The following TENM3 variants were observed in gnomAD, a reference collection of about 807,000 sequenced individuals.
TENM3 encodes the protein teneurin-3.
A neutral mutation model predicts 255.1 loss-of-function variants in TENM3; 63 were observed. That is an observed-to-expected ratio of 0.25 (90% CI 0.20 to 0.30). The LOEUF (loss-of-function observed/expected upper bound fraction) is 0.30, where lower values mean the gene tolerates loss of function less well. Among genes scored for constraint, TENM3 ranks in the 10% least tolerant of loss-of-function variants. The pLI, the probability that TENM3 is intolerant of heterozygous loss-of-function variation, is 1.00. For missense variants in TENM3, 2,929 were observed against 3,461.1 expected (o/e 0.85, Z 3.86); for synonymous variants, 1,306 against 1,322.3 (o/e 0.99, Z 0.27).
the TENM3 span, among the ~76,000 whole-genome samples, chr4:181,898,072 C>A: frequency 6.6e-6 from 1 of 152,192 alleles, no homozygotes; most frequent in African/African-American, 2.4e-5. Context: ...GAAATTCTTT[C>A]TTCCTCTGCT....
the TENM3 span, among the ~76,000 whole-genome samples, chr4:182,021,622 T>C: frequency 6.6e-6 from 1 of 152,228 alleles, no homozygotes; most frequent in Non-Finnish European, 1.5e-5. Flanking sequence ...TTAAAGGTCC[T>C]CTAGACTTCT....
At chr4:182,778,904 GTGTGTGTGTA>G (rs1208312989) in intron 24 of TENM3, among the ~76,000 whole-genome samples, 1 of 149,410 alleles carries the variant, frequency 6.7e-6, no homozygotes, top group Non-Finnish European at 1.5e-5. Flanking sequence ...TTATTTAAGT[GTGTGTGTGTA>G]TGTGTGTGTG....
chr4:181,504,569 T>A, the TENM3 span, among the ~76,000 whole-genome samples: 1 of 152,208 alleles, frequency 6.6e-6, no homozygotes, highest in Non-Finnish European at 1.5e-5. Flanking sequence ...CACTGCCACC[T>A]TCCCTTCTCA....
chr4:181,767,251 CAAAAAA>C, the TENM3 span, among the ~76,000 whole-genome samples: 1 of 75,728 alleles, frequency 1.3e-5, no homozygotes, highest in African/African-American at 4.9e-5. Context: ...GACTCCGTCT[CAAAAAA>C]AAAAAAAAAA....
the TENM3 span, among the ~76,000 whole-genome samples, chr4:181,546,065 A>G: frequency 6.6e-6 from 1 of 152,166 alleles, no homozygotes; most frequent in Non-Finnish European, 1.5e-5. Flanking sequence ...TCCCTATCTG[A>G]CATTTTCTCT....
At chr4:182,603,764 T>TA (rs2152417817) in intron 4 of TENM3, among the ~76,000 whole-genome samples, 1 of 115,516 alleles carries the variant, frequency 8.7e-6, no homozygotes, top group South Asian at 3.7e-4. Context: ...TTGGCAATTA[T>TA]TTATATATAT....
chr4:181,589,421 G>GTA, the TENM3 span, among the ~76,000 whole-genome samples: 1 of 152,114 alleles, frequency 6.6e-6, no homozygotes, highest in Non-Finnish European at 1.5e-5. Flanking sequence ...GGAGAACATT[G>GTA]AATGCTATGT....
chr4:181,802,011 C>A, the TENM3 span, among the ~76,000 whole-genome samples: 2 of 152,078 alleles, frequency 1.3e-5, no homozygotes, highest in Non-Finnish European at 2.9e-5. Context: ...AAAGAAGATT[C>A]AGTTCAGTTA....
At chr4:181,830,295 G>A in the TENM3 span, among the ~76,000 whole-genome samples, 11,128 of 152,134 alleles carry the variant, frequency 0.073, 567 homozygotes, top group East Asian at 0.18. Flanking sequence ...TTTGAGCAGA[G>A]TCTTGCTCTG....
intron 4 of TENM3, among the ~76,000 whole-genome samples, chr4:182,616,446 G>A (rs915315766): frequency 1.4e-5 from 2 of 146,638 alleles, no homozygotes; most frequent in Non-Finnish European, 3.0e-5. Flanking sequence ...TGGGTGCAGC[G>A]CACCAGCATG....
At chr4:181,909,759 A>T in the TENM3 span, among the ~76,000 whole-genome samples, 1 of 152,196 alleles carries the variant, frequency 6.6e-6, no homozygotes, top group Non-Finnish European at 1.5e-5. Context: ...ATAAAAGCTG[A>T]TTACATAAAT....
rs530446958 is a variant in TENM3 at position 182,221,214 on chromosome 4, G to A, written c.-76+76460G>A. ...TGCCTTTGTTACATGTGATAAACAA[G>A]CGATTTGCTCTTTAGAGGCCCCCTG... On this transcript the variant is annotated intron_variant, in intron 1 of 2. Coordinates refer to the TENM3 transcript ENST00000512480. 1.5e-4 allele frequency among the ~76,000 whole-genome samples: 23 copies of A among 152,334 alleles called. No homozygotes were observed. The South Asian group carries it at 4.8e-3, about 32-fold the overall frequency.
At chr4:182,733,721 A>G (rs1055854222) in intron 16 of TENM3, among the ~76,000 whole-genome samples, 1 of 152,254 alleles carries the variant, frequency 6.6e-6, no homozygotes, top group African/African-American at 2.4e-5. Context: ...GCAACACCTC[A>G]GGGATTCATT....
the TENM3 span, among the ~76,000 whole-genome samples, chr4:181,974,458 C>A: frequency 6.6e-6 from 1 of 152,092 alleles, no homozygotes; most frequent in African/African-American, 2.4e-5. Context: ...ATCCCAGCTA[C>A]TCAGGAGGCT....
the TENM3 span, among the ~76,000 whole-genome samples, chr4:181,748,282 G>A: frequency 1.3e-5 from 2 of 151,978 alleles, no homozygotes; most frequent in African/African-American, 2.4e-5. Flanking sequence ...TGGTAGGTTT[G>A]ATCATGTACT....
intron 3 of TENM3, among the ~76,000 whole-genome samples, chr4:182,407,768 A>C (rs1769684940): frequency 6.6e-6 from 1 of 152,230 alleles, no homozygotes; most frequent in South Asian, 2.1e-4. Flanking sequence ...ATCCCAATGA[A>C]TCATTAGCCA....
the TENM3 span, among the ~76,000 whole-genome samples, chr4:181,932,165 A>G: frequency 1.3e-3 from 202 of 152,306 alleles, no homozygotes; most frequent in African/African-American, 4.5e-3. Flanking sequence ...AAAATTGACA[A>G]ATGGGATCTA....
rs145196616 is a variant in TENM3 at position 182,324,056 on chromosome 4, G to A, written c.36G>A (p.Leu12=). 80 of 1,613,982 alleles carry A rather than the reference G, an allele frequency of 5.0e-5. No homozygotes were observed. The highest frequency in any genetic ancestry group is 8.3e-5 in the Admixed American group (5 of 60,028). ...DVKERRPYCS[L]TKSRREKERR... ...AAGAACGCAGGCCTTACTGCTCCCT[G>A]ACCAAGAGCAGACGAGAGAAGGAAC... Residue 12 remains leucine, a synonymous_variant, in exon 2 of 28, where the codon CTG becomes CTA. Transcript: ENST00000511685.
At chr4:182,389,760 A>C (rs1440150029) in intron 3 of TENM3, among the ~76,000 whole-genome samples, 1 of 135,728 alleles carries the variant, frequency 7.4e-6, no homozygotes, top group Non-Finnish European at 1.5e-5. Context: ...ATCTCGGCTC[A>C]CTGCAAGCTC....
Sources: gnomAD v4.1 joint callset for allele counts (sites outside exome capture counted in the v4.1 genomes callset) on GRCh38, gnomAD v4.1.1 for gene constraint, MANE v1.5 for transcripts, NCBI Gene and HGNC (gene_info 2026-07-23, HGNC 2026-07-21) for gene names.